Variants in POLGARF observed in about 807,000 individuals in gnomAD.
POLGARF encodes the protein POLG alternative reading frame.
chr15:89,330,691 G>A, the POLGARF span, among the ~76,000 whole-genome samples: 4,311 of 149,528 alleles, frequency 0.029, 172 homozygotes, highest in African/African-American at 0.094. Context: ...AAAGGAGATA[G>A]ACAATAACAG....
At chr15:89,330,364 C>T in the POLGARF span, 1 of 1,025,188 alleles carries the variant, frequency 9.8e-7, no homozygotes, top group East Asian at 2.5e-5. Flanking sequence ...CGCCACATGC[C>T]AGATGGTGCA....
chr15:89,333,184 C>T, the POLGARF span: 1 of 1,568,888 alleles, frequency 6.4e-7, no homozygotes, highest in Non-Finnish European at 8.7e-7. Flanking sequence ...GCCCGCTCCT[C>T]GGGGATGGCC....
the POLGARF span, chr15:89,333,806 C>A: frequency 6.5e-7 from 1 of 1,532,194 alleles, no homozygotes; most frequent in Non-Finnish European, 8.7e-7. Flanking sequence ...GCTTTGGGCT[C>A]CAGCTTGGCT....
chr15:89,330,821 T>C, the POLGARF span, among the ~76,000 whole-genome samples: 3 of 147,280 alleles, frequency 2.0e-5, no homozygotes, highest in Non-Finnish European at 4.5e-5. Flanking sequence ...AAAGAGCAAA[T>C]CACACACCTT....
chr15:89,330,226 C>A, the POLGARF span: 1 of 1,613,368 alleles, frequency 6.2e-7, no homozygotes. Flanking sequence ...CGACAGCTGG[C>A]TGGTCCAAGA....
chr15:89,333,421 G>C, the POLGARF span: 1 of 1,607,402 alleles, frequency 6.2e-7, no homozygotes, highest in Non-Finnish European at 8.5e-7. Context: ...TGCCCCCAGA[G>C]CCCGTGCTTC....
At chr15:89,332,955 G>T in the POLGARF span, 1 of 1,095,418 alleles carries the variant, frequency 9.1e-7, no homozygotes. Flanking sequence ...ACATAAACAG[G>T]GGTCTAGTCC....
chr15:89,332,614 G>A, the POLGARF span, among the ~76,000 whole-genome samples: 2 of 70,334 alleles, frequency 2.8e-5, no homozygotes, highest in Non-Finnish European at 7.8e-5. Flanking sequence ...GCAGGGGGGC[G>A]GGGGGGTGTT....
the POLGARF span, chr15:89,333,617 CTG>C: frequency 1.2e-5 from 20 of 1,601,274 alleles, no homozygotes; most frequent in African/African-American, 1.1e-4. Flanking sequence ...GCTGCTGCTG[CTG>C]CTGCTGCTGC....
the POLGARF span, chr15:89,333,769 C>A: frequency 6.5e-7 from 1 of 1,534,992 alleles, no homozygotes; most frequent in Non-Finnish European, 8.7e-7. Context: ...GGTGCAGGGA[C>A]CCCCACGCTG....
At chr15:89,333,638 C>A in the POLGARF span, 1 of 1,591,446 alleles carries the variant, frequency 6.3e-7, no homozygotes, top group East Asian at 2.3e-5. Context: ...GCCGCCGCCG[C>A]TGCCCGTCGC....
chr15:89,332,804 CA>C, the POLGARF span, among the ~76,000 whole-genome samples: 1 of 152,088 alleles, frequency 6.6e-6, no homozygotes, highest in Non-Finnish European at 1.5e-5. Flanking sequence ...GTAAAGGCAC[CA>C]AATCACCGTG....
the POLGARF span, chr15:89,333,443 G>A: frequency 4.3e-6 from 7 of 1,609,792 alleles, no homozygotes; most frequent in South Asian, 1.1e-5. Flanking sequence ...GCAGGTGCTC[G>A]ACGCTGCGGC....
chr15:89,330,752 ATGC>A, the POLGARF span, among the ~76,000 whole-genome samples: 70,527 of 150,990 alleles, frequency 0.47, 17,429 homozygotes, highest in African/African-American at 0.64. Flanking sequence ...AAAATGACAA[ATGC>A]TGCTGCACAC....
At chr15:89,333,186 G>C in the POLGARF span, 1 of 1,569,842 alleles carries the variant, frequency 6.4e-7, no homozygotes, top group Non-Finnish European at 8.7e-7. Context: ...CCGCTCCTCG[G>C]GGATGGCCAC....
the POLGARF span, among the ~76,000 whole-genome samples, chr15:89,330,884 T>C: frequency 2.8e-4 from 42 of 149,914 alleles, no homozygotes; most frequent in South Asian, 8.4e-3. Flanking sequence ...AATGAGAAAA[T>C]GTATGTGTAT....
the POLGARF span, chr15:89,333,218 G>A: frequency 1.3e-6 from 2 of 1,579,214 alleles, no homozygotes; most frequent in East Asian, 2.3e-5. Flanking sequence ...CCCCCTCGGG[G>A]CCGTACCGGG....
the POLGARF span, among the ~76,000 whole-genome samples, chr15:89,331,944 AAGAG>A: frequency 6.6e-6 from 1 of 152,228 alleles, no homozygotes; most frequent in African/African-American, 2.4e-5. Context: ...GAGAGGTAAA[AAGAG>A]AGAAAGAAGG....
At chr15:89,333,391 CGGGCAA>C in the POLGARF span, 1 of 1,589,366 alleles carries the variant, frequency 6.3e-7, no homozygotes, top group East Asian at 2.3e-5. Context: ...AGCTCCACGT[CGGGCAA>C]GGGCACGGCT....
Sources: allele counts gnomAD v4.1 joint callset (sites outside exome capture counted in the v4.1 genomes callset), GRCh38; gene constraint gnomAD v4.1.1; transcripts MANE v1.5; gene names NCBI Gene and HGNC (gene_info 2026-07-23, HGNC 2026-07-21).